The following NDUFAF1 variants were observed in gnomAD, a reference collection of about 807,000 sequenced individuals.
The protein encoded by NDUFAF1 is complex I intermediate-associated protein 30, mitochondrial.
A neutral mutation model predicts 28.7 loss-of-function variants in NDUFAF1; 18 were observed. The ratio of observed to expected loss-of-function variants is 0.63; its 90% CI spans 0.43 to 0.93. The LOEUF (loss-of-function observed/expected upper bound fraction) is 0.93. NDUFAF1 is among the 40% of genes least tolerant of loss of function. The pLI, the probability that NDUFAF1 is intolerant of heterozygous loss-of-function variation, is 0.00. For missense variants in NDUFAF1, 404 were observed against 398.3 expected (o/e 1.01, Z -0.12); for synonymous variants, 113 against 139.7 (o/e 0.81, Z 1.35).
chr15:41,399,747 T>C (rs1463836233), intron 1 of NDUFAF1, among the ~76,000 whole-genome samples: 1 of 145,628 alleles, frequency 6.9e-6, no homozygotes, highest in Non-Finnish European at 1.5e-5. Context: ...TCCCAGCTAC[T>C]CGGGAGGCTG....
At chr15:41,395,515 G>A (rs561172551) in intron 2 of NDUFAF1, among the ~76,000 whole-genome samples, 1 of 148,108 alleles carries the variant, frequency 6.8e-6, no homozygotes, top group East Asian at 2.0e-4. Flanking sequence ...TACTATAGGC[G>A]CCCAAAACCA....
chr15:41,395,414 G>C (rs1319289556), intron 2 of NDUFAF1, among the ~76,000 whole-genome samples: 3 of 150,054 alleles, frequency 2.0e-5, no homozygotes, highest in African/African-American at 7.4e-5. Context: ...CTGTCACCCA[G>C]GCTGGAGTGC....
At chr15:41,395,374 CTT>C (rs563060450) in intron 2 of NDUFAF1, among the ~76,000 whole-genome samples, 7 of 141,064 alleles carry the variant, frequency 5.0e-5, no homozygotes, top group Non-Finnish European at 3.1e-5. Flanking sequence ...CTTTTCTTTT[CTT>C]TTTTTTTTTT....
At chr15:41,388,630 A>AT in intron 3 of NDUFAF1, 108 bp from the exon 4 acceptor site, 1 of 770,728 alleles carries the variant, frequency 1.3e-6, no homozygotes. Context: ...ATTATGTCAT[A>AT]TATGTATTAT....
rs1263804503 is a variant in NDUFAF1 at position 41,387,433 on chromosome 15, C to T, written c.*11G>A. On this transcript the variant is annotated 3_prime_UTR_variant, in exon 5 of 5. Transcript: ENST00000260361. ...CCCTTAGATTAGTAAAACAAAACTACCATATGATCTTTATTTAAAAAGCCT... is the reference window on the plus strand; with the variant it reads ...CCCTTAGATTAGTAAAACAAAACTATCATATGATCTTTATTTAAAAAGCCT... The T allele has an allele frequency of 6.2e-7, 1 of 1,611,710 alleles. No individual in the cohort carries two copies. The highest frequency in any genetic ancestry group is 2.2e-5 in the East Asian group (1 of 44,810).
chr15:41,400,520 ATACT>A (rs1490557441), intron 1 of NDUFAF1, among the ~76,000 whole-genome samples: 1 of 150,670 alleles, frequency 6.6e-6, no homozygotes, highest in Admixed American at 6.6e-5. Flanking sequence ...ACCACTCCTA[ATACT>A]TTTTTTTTTC....
At chr15:41,399,117 T>C (rs1398229755) in intron 1 of NDUFAF1, among the ~76,000 whole-genome samples, 1 of 151,906 alleles carries the variant, frequency 6.6e-6, no homozygotes, top group African/African-American at 2.4e-5. Context: ...AATACAAAAA[T>C]TGGCCTGGCA....
chr15:41,399,486 G>C (rs1448370152), intron 1 of NDUFAF1, among the ~76,000 whole-genome samples: 1 of 151,524 alleles, frequency 6.6e-6, no homozygotes, highest in Non-Finnish European at 1.5e-5. Flanking sequence ...GAACCTGGGA[G>C]GCAGAGGCTG....
intron 1 of NDUFAF1, among the ~76,000 whole-genome samples, chr15:41,399,182 C>A (rs2050429603): frequency 6.6e-6 from 1 of 151,804 alleles, no homozygotes; most frequent in South Asian, 2.1e-4. Context: ...AGGCGGATCA[C>A]CTAGGACAGG....
chr15:41,393,109 C>A (rs1366376675), intron 3 of NDUFAF1, among the ~76,000 whole-genome samples: 1 of 147,512 alleles, frequency 6.8e-6, no homozygotes, highest in East Asian at 2.0e-4. Flanking sequence ...AAAATGGGGA[C>A]TTTCTTGTTG....
intron 1 of NDUFAF1, 139 bp downstream of exon 1, chr15:41,402,005 C>T (rs2050469435): frequency 3.8e-6 from 1 of 266,308 alleles, no homozygotes; most frequent in Admixed American, 4.5e-5. Context: ...TGCTTTGTTT[C>T]ATTTTTTTTT....
At chr15:41,395,164 A>G in intron 2 of NDUFAF1, 120 bp from the exon 3 acceptor site, 2 of 843,148 alleles carry the variant, frequency 2.4e-6, no homozygotes, top group Non-Finnish European at 3.9e-6. Context: ...TTTCTGCCCC[A>G]TAAGAAGGCA....
intron 4 of NDUFAF1, among the ~76,000 whole-genome samples, chr15:41,387,844 C>G (rs946601151): frequency 2.6e-5 from 4 of 152,108 alleles, no homozygotes; most frequent in African/African-American, 9.7e-5. Context: ...GGCCGGGCGT[C>G]GTGGCTCAGG....
intron 2 of NDUFAF1, 132 bp from the exon 3 acceptor site, chr15:41,395,176 A>G: frequency 1.3e-6 from 1 of 776,852 alleles, no homozygotes; most frequent in East Asian, 2.7e-5. Context: ...AAGAAGGCAC[A>G]TAAACCCAGT....
chr15:41,389,908 ACT>A (rs2140910105), intron 3 of NDUFAF1, among the ~76,000 whole-genome samples: 1 of 152,186 alleles, frequency 6.6e-6, no homozygotes. Flanking sequence ...ACAGTAGAAA[ACT>A]CTGAAAACAA....
intron 1 of NDUFAF1, among the ~76,000 whole-genome samples, chr15:41,400,524 T>G (rs938378249): frequency 6.8e-6 from 1 of 148,148 alleles, no homozygotes; most frequent in Non-Finnish European, 1.5e-5. Flanking sequence ...CTCCTAATAC[T>G]TTTTTTTTTC....
At chr15:41,402,087 C>T (rs936295572) in intron 1 of NDUFAF1, 57 bp downstream of exon 1, 7 of 394,698 alleles carry the variant, frequency 1.8e-5, no homozygotes, top group Admixed American at 1.8e-4. Context: ...TGGGTTTTGA[C>T]AACACAATCC....
At chr15:41,397,497 G>A (rs545063934) in intron 1 of NDUFAF1, among the ~76,000 whole-genome samples, 309 of 152,182 alleles carry the variant, frequency 2.0e-3, no homozygotes, top group Non-Finnish European at 3.1e-3. Context: ...GGTGGATCAC[G>A]AGGTCAAGAG....
At chr15:41,396,449 T>C (rs1172943977) in intron 2 of NDUFAF1, 38 bp downstream of exon 2, 4 of 1,583,704 alleles carry the variant, frequency 2.5e-6, no homozygotes, top group Admixed American at 1.7e-5. Flanking sequence ...AGTTCACCCC[T>C]GTTTACTAGA....
Sources: allele counts gnomAD v4.1 joint callset (sites outside exome capture counted in the v4.1 genomes callset), GRCh38; gene constraint gnomAD v4.1.1; transcripts MANE v1.5; gene names NCBI Gene and HGNC (gene_info 2026-07-23, HGNC 2026-07-21).